Variants in HPCAL1 observed in about 807,000 individuals in gnomAD.
The protein encoded by HPCAL1 is hippocalcin-like protein 1.
A neutral mutation model predicts 17.1 loss-of-function variants in HPCAL1; 8 were observed. The observed-to-expected ratio is 0.47, with a 90% CI of 0.27 to 0.84. The LOEUF is 0.84. Among genes scored for constraint, HPCAL1 ranks in the 40% least tolerant of loss-of-function variants. HPCAL1 has a pLI of 0.13. For missense variants in HPCAL1, 165 were observed against 271.1 expected (o/e 0.61, Z 2.75); for synonymous variants, 112 against 111.4 (o/e 1.01, Z -0.03).
chr2:10,388,274 T>C (rs924179119), intron 1 of HPCAL1, among the ~76,000 whole-genome samples: 8 of 152,188 alleles, frequency 5.3e-5, no homozygotes. Context: ...GGCAAAGGTT[T>C]GTTTTATCTT....
Position 10,341,490 on chromosome 2 carries a change from A to G in HPCAL1, c.-111+38313A>G, listed in dbSNP as rs1819824. 3.1e-3 allele frequency among the ~76,000 whole-genome samples: 465 copies of G among 151,832 alleles called. 3 individuals are homozygous for G. The highest frequency in any genetic ancestry group is 0.01 in the African/African-American group (428 of 41,450). On this transcript the variant is annotated intron_variant, in intron 1 of 4. Coordinates refer to ENST00000307845, the MANE Select transcript of HPCAL1 (RefSeq NM_002149.4). The stretch of plus-strand genomic sequence containing the variant: ...CAACAACAAATTGTGGCACAAATGT[A>G]TGCATGGAGGTACTGAGGGCCTTCT...
At chr2:10,338,054 G>A (rs1379630229) in intron 1 of HPCAL1, among the ~76,000 whole-genome samples, 1 of 152,196 alleles carries the variant, frequency 6.6e-6, no homozygotes, top group Non-Finnish European at 1.5e-5. Flanking sequence ...TTATGAAGGA[G>A]AGTGACTTTT....
At chr2:10,418,243 AC>A (rs1670796333) in intron 2 of HPCAL1, among the ~76,000 whole-genome samples, 2 of 151,160 alleles carry the variant, frequency 1.3e-5, no homozygotes, top group African/African-American at 2.4e-5. Flanking sequence ...ATAGTGTGAA[AC>A]CCTGTCTCTA....
chr2:10,382,069 T>C (rs909321274), intron 1 of HPCAL1, among the ~76,000 whole-genome samples: 15 of 152,202 alleles, frequency 9.9e-5, no homozygotes, highest in Non-Finnish European at 2.2e-4. Flanking sequence ...TTAGCTGTGG[T>C]GCATCCAGAC....
At chr2:10,355,845 G>A (rs1361723288) in intron 1 of HPCAL1, among the ~76,000 whole-genome samples, 1 of 152,038 alleles carries the variant, frequency 6.6e-6, no homozygotes, top group East Asian at 1.9e-4. Flanking sequence ...GGACGCACAG[G>A]GCATGGCTAT....
Position 10,367,928 on chromosome 2 carries a change from G to A in HPCAL1, c.-110-28907G>A, listed in dbSNP as rs2125502794. On this transcript the variant is annotated intron_variant, in intron 1 of 4. Transcript: ENST00000307845. The surrounding 1 kb of genome is among the most constrained non-coding windows in gnomAD (Gnocchi z 4.4). ...TGTGTATGTGCGTGTGTGCCCATAT[G>A]CGTGTGTAGGTGTGTGCATATGTGT... Among the ~76,000 whole-genome samples the A allele has an allele frequency of 6.6e-6, 1 of 152,232 alleles. No individual in the cohort carries two copies. Among genetic ancestry groups the A allele is most frequent in the South Asian group, 2.1e-4 (1 of 4,828 alleles).
chr2:10,360,842 T>G (rs1243470546), intron 1 of HPCAL1, among the ~76,000 whole-genome samples: 1 of 151,774 alleles, frequency 6.6e-6, no homozygotes, highest in African/African-American at 2.4e-5. Context: ...CTCTCTTGTC[T>G]CTCCTCTTCC....
intron 1 of HPCAL1, among the ~76,000 whole-genome samples, chr2:10,339,319 ATTTT>A: frequency 7.5e-6 from 1 of 132,832 alleles, no homozygotes; most frequent in Non-Finnish European, 1.6e-5. Flanking sequence ...TGCCCACCTA[ATTTT>A]TTTTTTTTTT....
In HPCAL1 at chr2:10,354,730, C is replaced by T. The variant is rs1478966762; in HGVS notation, c.-110-42105C>T. ...ACTTTGACTTCTTTCTGGGTTCTTG[C>T]ATAGGCTTCAAGGAGGGAGGATATG... On this transcript the variant is annotated intron_variant, in intron 1 of 4. Coordinates refer to ENST00000307845, the MANE Select transcript of HPCAL1 (RefSeq NM_002149.4). The surrounding 1 kb of genome is among the most constrained non-coding windows in gnomAD (Gnocchi z 5.1). Among the ~76,000 whole-genome samples the T allele has an allele frequency of 2.0e-5, 3 of 152,230 alleles. No individual in the cohort carries two copies. The highest frequency in any genetic ancestry group is 2.9e-5 in the Non-Finnish European group (2 of 68,044).
chr2:10,368,042 A>G (rs1666954149), intron 1 of HPCAL1, among the ~76,000 whole-genome samples: 1 of 151,332 alleles, frequency 6.6e-6, no homozygotes, highest in African/African-American at 2.4e-5. Context: ...TGGTGACCTC[A>G]GTTCCAAAGC....
chr2:10,328,064 C>A (rs1369127016), intron 1 of HPCAL1, among the ~76,000 whole-genome samples: 4 of 152,178 alleles, frequency 2.6e-5, no homozygotes, highest in Non-Finnish European at 5.9e-5. Context: ...AATGGCCTGG[C>A]CCTATGTGAT....
In HPCAL1 at chr2:10,310,478, C is replaced by T. The variant is rs946797411; in HGVS notation, c.-111+7301C>T. On this transcript the variant is annotated intron_variant, in intron 1 of 4. Transcript: ENST00000307845. The surrounding 1 kb of genome is among the most constrained non-coding windows in gnomAD (Gnocchi z 4.5). ...GATGCTGGAGTCTGTGACTGCTGTGCGTGTGGAGGCTTCCGGAAGGCAGCC... is the reference window on the plus strand; with the variant it reads ...GATGCTGGAGTCTGTGACTGCTGTGTGTGTGGAGGCTTCCGGAAGGCAGCC... 1.3e-5 allele frequency among the ~76,000 whole-genome samples: 2 copies of T among 152,214 alleles called. No homozygotes were observed. The highest frequency in any genetic ancestry group is 1.5e-5 in the Non-Finnish European group (1 of 68,012).
Position 10,427,263 on chromosome 2 carries a change from C to T in HPCAL1, c.*442C>T. 5.7e-6 allele frequency: 1 copy of T among 173,954 alleles called. No individual in the cohort carries two copies. Among genetic ancestry groups the T allele is most frequent in the Admixed American group, 5.9e-5 (1 of 17,046 alleles). The allele number at this position is 173,954 out of a possible 1,614,324, so 10.8% of individuals were successfully genotyped here. A position where few individuals can be genotyped will look rare whatever the true frequency, so the allele number is the denominator to read the frequency against. On this transcript the variant is annotated 3_prime_UTR_variant, in exon 5 of 5. Transcript: ENST00000307845. ...AGCCCCTCCCGTGCATGGCTGCCCC[C>T]CCGTTCATTTTCTCCACCACAGCCG...
rs1372598828 is a variant in HPCAL1, at chr2:10,395,759, CA to C, written c.-110-1075del. On this transcript the variant is annotated intron_variant, in intron 1 of 4. Transcript: ENST00000307845. This position sits in a 1 kb window ranked among gnomAD's most constrained non-coding sequence, Gnocchi z 4.4. ...GCCCCTTGGAAGACACATGATCTTG[CA>C]GGTAATTAGCTCCTGTAAGCCTCCA... 1.3e-5 allele frequency among the ~76,000 whole-genome samples: 2 copies of C among 152,154 alleles called. No individual in the cohort carries two copies. The highest frequency in any genetic ancestry group is 4.8e-5 in the African/African-American group (2 of 41,430).
At chr2:10,402,729 AT>A (rs1236731412) in intron 2 of HPCAL1, among the ~76,000 whole-genome samples, 1 of 149,862 alleles carries the variant, frequency 6.7e-6, no homozygotes, top group Admixed American at 6.6e-5. Flanking sequence ...TCCCTTCCAA[AT>A]TTAAAAAAGA....
chr2:10,395,768 A>C lies in HPCAL1; in HGVS notation c.-110-1067A>C, dbSNP rs1668983067. ...AAGACACATGATCTTGCAGGTAATT[A>C]GCTCCTGTAAGCCTCCATTTTTCCC... On this transcript the variant is annotated intron_variant, in intron 1 of 4. Transcript: ENST00000307845. The surrounding 1 kb of genome is among the most constrained non-coding windows in gnomAD (Gnocchi z 4.4). Among the ~76,000 whole-genome samples the C allele has an allele frequency of 6.6e-6, 1 of 152,124 alleles. No homozygotes were observed. The highest frequency in any genetic ancestry group is 2.4e-5 in the African/African-American group (1 of 41,402).
In HPCAL1 at chr2:10,323,887, CA is replaced by C. The variant is rs1193091163; in HGVS notation, c.-111+20711del. Among the ~76,000 whole-genome samples, 1 of 152,236 alleles carries C rather than the reference CA, an allele frequency of 6.6e-6. No individual in the cohort carries two copies. The highest frequency in any genetic ancestry group is 1.5e-5 in the Non-Finnish European group (1 of 68,040). On this transcript the variant is annotated intron_variant, in intron 1 of 4. Coordinates refer to ENST00000307845, the MANE Select transcript of HPCAL1 (RefSeq NM_002149.4). This position sits in a 1 kb window ranked among gnomAD's most constrained non-coding sequence, Gnocchi z 4.6. ...GGCTACTTCATGGAAACATCTGGAA[CA>C]TCTGATTTTTCTAGTCTTCCCATTA...
chr2:10,315,395 C>T (rs989813454), intron 1 of HPCAL1, among the ~76,000 whole-genome samples: 10 of 151,974 alleles, frequency 6.6e-5, no homozygotes, highest in Non-Finnish European at 1.3e-4. Flanking sequence ...TAAATGTTAA[C>T]GGTGGTTGTA....
intron 1 of HPCAL1, among the ~76,000 whole-genome samples, chr2:10,347,105 G>A (rs1016258953): frequency 1.5e-4 from 23 of 151,970 alleles, no homozygotes; most frequent in African/African-American, 1.7e-4. Flanking sequence ...GCCCCGCACC[G>A]CCCCCGCCCC....
Sources: gnomAD v4.1 joint callset for allele counts (sites outside exome capture counted in the v4.1 genomes callset) on GRCh38, gnomAD v4.1.1 for gene constraint, Gnocchi (gnomAD v3.1) non-coding constraint, MANE v1.5 for transcripts, NCBI Gene and HGNC (gene_info 2026-07-23, HGNC 2026-07-21) for gene names.